P2RX5: variants seen among roughly 807,000 people sequenced by gnomAD.
P2RX5 encodes the protein P2X purinoceptor 5.
P2RX5 carries 46 observed loss-of-function variants against 54.1 expected under a neutral mutation model. The ratio of observed to expected loss-of-function variants is 0.85; its 90% CI spans 0.67 to 1.09. The LOEUF (loss-of-function observed/expected upper bound fraction) is 1.09, where lower values mean the gene tolerates loss of function less well. P2RX5 is among the 50% of genes least tolerant of loss of function. P2RX5 has a pLI of 0.00. For synonymous variants in P2RX5, 226 were observed against 226.4 expected, an observed-to-expected ratio of 1.00 and a Z score of 0.02; for missense variants, 566 against 549.8, an observed-to-expected ratio of 1.03 and a Z score of -0.29.
At chr17:3,723,813 C>T in the P2RX5 span, 6 of 1,581,434 alleles carry the variant, frequency 3.8e-6, no homozygotes, top group Non-Finnish European at 5.2e-6. Flanking sequence ...CCGTCCCGGC[C>T]CCGGCCCTGG....
At chr17:3,696,761 A>G (rs1051322202), upstream of P2RX5, among the ~76,000 whole-genome samples, 31 of 152,214 alleles carry the variant, frequency 2.0e-4, no homozygotes, top group Non-Finnish European at 4.4e-4. Flanking sequence ...CGTTTAAAGC[A>G]AAACTCCCCT....
At chr17:3,709,514 T>C in the P2RX5 span, among the ~76,000 whole-genome samples, 1 of 152,214 alleles carries the variant, frequency 6.6e-6, no homozygotes, top group African/African-American at 2.4e-5. Flanking sequence ...CCAGGCACAG[T>C]GGCACATGCC....
At chr17:3,723,512 C>A in the P2RX5 span, 20 of 984,328 alleles carry the variant, frequency 2.0e-5, no homozygotes, top group Non-Finnish European at 3.2e-5. Flanking sequence ...GCGCTCACCT[C>A]GGCCCAAGCG....
chr17:3,713,038 A>G, the P2RX5 span, among the ~76,000 whole-genome samples: 12 of 152,056 alleles, frequency 7.9e-5, no homozygotes, highest in Non-Finnish European at 1.8e-4. Flanking sequence ...CAGTCGGGGG[A>G]AAAAACGGTA....
chr17:3,691,801 G>T lies in P2RX5; in HGVS notation c.138-7C>A. 6.2e-7 allele frequency: 1 copy of T among 1,614,084 alleles called. No individual in the cohort carries two copies. Among genetic ancestry groups the T allele is most frequent in the East Asian group, 2.2e-5 (1 of 44,876 alleles). On this transcript the variant is annotated splice_polypyrimidine_tract_variant and splice_region_variant and intron_variant, in intron 1 of 11. Coordinates refer to ENST00000225328, the MANE Select transcript of P2RX5 (RefSeq NM_002561.4). ...CTTTATCAGGAACACCCATCTGTGG[G>T]AAGGGGGCCGGTACGTGGGCATCAG...
rs1039156267 is a variant in P2RX5 at position 3,690,758 on chromosome 17, G to A, written c.361-78C>T. On this transcript the variant is annotated intron_variant, in intron 3 of 11. Coordinates refer to ENST00000225328, the MANE Select transcript of P2RX5 (RefSeq NM_002561.4). ...GGGTCCCACTCCAGGAGATAGAATA[G>A]GGGTTCTTCTTCGGCCTGGCCCACA... 28 of 1,451,336 alleles carry A rather than the reference G, an allele frequency of 1.9e-5. No individual in the cohort carries two copies. In the African/African-American group the frequency reaches 3.1e-4, roughly 16 times the overall value. The allele number at this position is 1,451,336 out of a possible 1,614,324, so 89.9% of individuals were successfully genotyped here.
At chr17:3,716,165 C>T in the P2RX5 span, among the ~76,000 whole-genome samples, 35 of 120,656 alleles carry the variant, frequency 2.9e-4, no homozygotes, top group Non-Finnish European at 5.3e-4. Flanking sequence ...AGCGGAACTC[C>T]GTCTCAAAAA....
the P2RX5 span, among the ~76,000 whole-genome samples, chr17:3,711,370 C>CTTTTTTTTTTTT: frequency 3.0e-3 from 187 of 63,090 alleles, 44 homozygotes; most frequent in African/African-American, 0.011. Context: ...AGCACTCATT[C>CTTTTTTTTTTTT]TTTTTTTTTT....
intron 11 of P2RX5, among the ~76,000 whole-genome samples, chr17:3,678,298 G>A (rs1052513481): frequency 9.2e-5 from 14 of 152,248 alleles, no homozygotes; most frequent in African/African-American, 2.4e-4. Context: ...AGCCCAGCAC[G>A]CATAGATGCT....
intron 1 of P2RX5, among the ~76,000 whole-genome samples, chr17:3,692,679 GA>G (rs1233061280): frequency 6.6e-6 from 1 of 151,766 alleles, no homozygotes; most frequent in African/African-American, 2.4e-5. Context: ...CCATCTCTAT[GA>G]AAAACAAAAA....
chr17:3,679,341 T>C (rs527323323), intron 11 of P2RX5, among the ~76,000 whole-genome samples: 1 of 152,212 alleles, frequency 6.6e-6, no homozygotes, highest in Non-Finnish European at 1.5e-5. Flanking sequence ...GCTGTTATCA[T>C]CTGAGCGCCG....
At chr17:3,722,637 G>A in the P2RX5 span, 1 of 153,730 alleles carries the variant, frequency 6.5e-6, no homozygotes, top group Non-Finnish European at 1.4e-5. Context: ...AGAAGAATAG[G>A]ACAGAATAAC....
At position 3,688,001 on chromosome 17, in the gene P2RX5, G is replaced by C. The variant is rs74860774; in HGVS notation, c.981+11C>G. 350 of 1,402,380 alleles carry C rather than the reference G, an allele frequency of 2.5e-4. 2 individuals carry two copies. In the East Asian group the frequency reaches 6.3e-3, roughly 25 times the overall value. 86.9% of individuals were successfully genotyped at this position (1,402,380 alleles called of 1,614,324 possible). On this transcript the variant is annotated intron_variant, in intron 9 of 11. Transcript: ENST00000225328. ...CCCGCCCAGCCTCAGAACAGGAGAAGGCACACGCACCTTGCCGTTCACCAT... is the reference window on the plus strand; with the variant it reads ...CCCGCCCAGCCTCAGAACAGGAGAACGCACACGCACCTTGCCGTTCACCAT...
the P2RX5 span, among the ~76,000 whole-genome samples, chr17:3,711,370 CTTTTTTTT>C: frequency 3.1e-3 from 193 of 63,084 alleles, 2 homozygotes; most frequent in Middle Eastern, 0.013. Flanking sequence ...AGCACTCATT[CTTTTTTTT>C]TTTTTTTTTT....
chr17:3,695,844 T>G, intron 1 of P2RX5, 25 bp downstream of exon 1: 3 of 1,606,066 alleles, frequency 1.9e-6, no homozygotes, highest in East Asian at 2.3e-5. Context: ...TCCCCCGCCT[T>G]CCCAAAAGTC....
At position 3,689,702 on chromosome 17, in the gene P2RX5, C is replaced by T. The variant is rs115390183; in HGVS notation, c.615-72G>A. 2.3e-3 allele frequency: 3,728 copies of T among 1,594,414 alleles called. 77 individuals carry two copies. In the African/African-American group the frequency reaches 0.044, roughly 19 times the overall value. On this transcript the variant is annotated intron_variant, in intron 6 of 11. Coordinates refer to ENST00000225328, the MANE Select transcript of P2RX5 (RefSeq NM_002561.4). ...TTTCCCGGCCTGGCCAGGAGTCACT[C>T]GGTCCCTCACCAACCTGAGTGCTGA...
chr17:3,718,301 A>T, the P2RX5 span: 1 of 152,282 alleles, frequency 6.6e-6, no homozygotes, highest in South Asian at 2.1e-4. Flanking sequence ...AGGCACATGA[A>T]GAAAAATCCA....
chr17:3,691,943 A>G, intron 1 of P2RX5, 149 bp from the exon 2 acceptor site: 1 of 778,538 alleles, frequency 1.3e-6, no homozygotes, highest in Non-Finnish European at 2.2e-6. Context: ...GCTCCTGGGC[A>G]GGGGCCACAG....
the P2RX5 span, among the ~76,000 whole-genome samples, chr17:3,711,686 A>C: frequency 2.1e-5 from 3 of 145,700 alleles, no homozygotes; most frequent in Admixed American, 6.9e-5. Context: ...GCCCGGCCTC[A>C]TTATTTATTT....
Sources: allele counts gnomAD v4.1 joint callset (sites outside exome capture counted in the v4.1 genomes callset), GRCh38; gene constraint gnomAD v4.1.1; transcripts MANE v1.5; gene names NCBI Gene and HGNC (gene_info 2026-07-23, HGNC 2026-07-21).